SDK1: variants seen among roughly 807,000 people sequenced by gnomAD.
The protein encoded by SDK1 is protein sidekick-1.
Under a neutral mutation model 245.5 loss-of-function variants are expected in SDK1, and 157 were observed. That is an observed-to-expected ratio of 0.64 (90% CI 0.56 to 0.73). The LOEUF is 0.73. Among genes scored for constraint, SDK1 ranks in the 30% least tolerant of loss-of-function variants. The pLI is 0.00. For synonymous variants in SDK1, 1,647 were observed against 1,278.5 expected (o/e 1.29, Z -6.15); for missense variants, 3,583 against 3,002.3 (o/e 1.19, Z -4.52).
intron 40 of SDK1, among the ~76,000 whole-genome samples, chr7:4,231,306 A>G (rs1032712416): frequency 2.0e-5 from 3 of 152,084 alleles, no homozygotes; most frequent in African/African-American, 7.2e-5. Flanking sequence ...GCTCATGCCT[A>G]TAATTCCAGC....
intron 4 of SDK1, among the ~76,000 whole-genome samples, chr7:3,683,651 C>T (rs566010671): frequency 6.6e-6 from 1 of 152,184 alleles, no homozygotes; most frequent in Non-Finnish European, 1.5e-5. Flanking sequence ...ACATGGCAAG[C>T]GTGGAAGACT....
At chr7:4,064,333 C>G (rs556651455) in intron 19 of SDK1, among the ~76,000 whole-genome samples, 1 of 152,256 alleles carries the variant, frequency 6.6e-6, no homozygotes, top group African/African-American at 2.4e-5. Flanking sequence ...CCCAGTATCA[C>G]TAATCATCAA....
intron 4 of SDK1, among the ~76,000 whole-genome samples, chr7:3,798,648 C>T (rs1465701438): frequency 6.6e-6 from 1 of 152,152 alleles, no homozygotes; most frequent in African/African-American, 2.4e-5. Flanking sequence ...TGACTTGTCA[C>T]TGGCAGCGAC....
chr7:3,391,665 C>A (rs2128570346), intron 1 of SDK1, among the ~76,000 whole-genome samples: 1 of 131,084 alleles, frequency 7.6e-6, no homozygotes, highest in East Asian at 2.2e-4. Context: ...GAGACAGGGT[C>A]TTGCTCTGTC....
intron 22 of SDK1, among the ~76,000 whole-genome samples, chr7:4,092,542 C>G (rs567396844): frequency 6.6e-6 from 1 of 152,324 alleles, no homozygotes; most frequent in South Asian, 2.1e-4. Context: ...CCCAGGCCTT[C>G]TCTGCTGTAG....
At chr7:3,925,325 T>C (rs537999543) in intron 5 of SDK1, among the ~76,000 whole-genome samples, 20 of 152,314 alleles carry the variant, frequency 1.3e-4, no homozygotes, top group African/African-American at 4.1e-4. Flanking sequence ...GAGGAGAAGC[T>C]GCGTAGAAGC....
chr7:4,115,074 G>A (rs1485408605), intron 25 of SDK1, among the ~76,000 whole-genome samples: 3 of 152,206 alleles, frequency 2.0e-5, no homozygotes, highest in Non-Finnish European at 4.4e-5. Context: ...GTGGGTCATA[G>A]GAGCTTTTCT....
At chr7:3,601,816 A>T (rs1389467056) in intron 1 of SDK1, among the ~76,000 whole-genome samples, 1 of 140,192 alleles carries the variant, frequency 7.1e-6, no homozygotes, top group African/African-American at 2.7e-5. Context: ...TCCTAATGCT[A>T]TCCCTCCCCC....
chr7:3,676,543 T>C (rs1278703319), intron 4 of SDK1, among the ~76,000 whole-genome samples: 1 of 152,148 alleles, frequency 6.6e-6, no homozygotes, highest in Admixed American at 6.5e-5. Context: ...GCCGGGATGG[T>C]CTCAATCTCC....
intron 32 of SDK1, among the ~76,000 whole-genome samples, chr7:4,172,911 C>G (rs10230757): frequency 0.13 from 20,170 of 152,248 alleles, 2,581 homozygotes; most frequent in African/African-American, 0.33. Context: ...CTCCCCTAAT[C>G]CAGTATGACC....
intron 1 of SDK1, among the ~76,000 whole-genome samples, chr7:3,451,636 A>T (rs1398812575): frequency 6.6e-6 from 1 of 152,190 alleles, no homozygotes; most frequent in Non-Finnish European, 1.5e-5. Flanking sequence ...TACATGTAAC[A>T]TAGGACTGAG....
chr7:3,696,592 G>A (rs1167021593), intron 4 of SDK1, among the ~76,000 whole-genome samples: 1 of 151,848 alleles, frequency 6.6e-6, no homozygotes, highest in Non-Finnish European at 1.5e-5. Context: ...GTGTGTGTGT[G>A]TGTGTGTGTT....
intron 5 of SDK1, among the ~76,000 whole-genome samples, chr7:3,906,920 G>A (rs1583543899): frequency 2.0e-5 from 3 of 152,048 alleles, no homozygotes; most frequent in South Asian, 2.1e-4. Flanking sequence ...ATGAGCCACC[G>A]TACCCTGCCT....
At chr7:3,398,448 A>T (rs187484165) in intron 1 of SDK1, among the ~76,000 whole-genome samples, 2 of 151,648 alleles carry the variant, frequency 1.3e-5, no homozygotes, top group African/African-American at 4.8e-5. Flanking sequence ...TGAGACAGGG[A>T]TGCTAGAGGG....
rs149071485 is a variant in SDK1, at chr7:3,743,979, C to G, written c.714-77471C>G. 3.3e-3 allele frequency among the ~76,000 whole-genome samples: 497 copies of G among 152,264 alleles called. 3 individuals carry two copies. The highest frequency in any genetic ancestry group is 7.1e-3 in the Admixed American group (108 of 15,296). On this transcript the variant is annotated intron_variant, in intron 4 of 44. Transcript: ENST00000404826. ...ATTATCCTGTGTAATTAATAAGACA[C>G]TATTAATCAACAGCTTGACTCACAG...
chr7:4,169,637 A>G (rs1220657627), intron 32 of SDK1, among the ~76,000 whole-genome samples: 6 of 152,180 alleles, frequency 3.9e-5, no homozygotes. Context: ...AGATGCAATG[A>G]GACGGCAAGG....
At chr7:3,832,713 G>C (rs911839096) in intron 5 of SDK1, among the ~76,000 whole-genome samples, 3 of 152,170 alleles carry the variant, frequency 2.0e-5, no homozygotes, top group Non-Finnish European at 4.4e-5. Flanking sequence ...GATTCTTTCT[G>C]TGTGTTCTAA....
At chr7:3,631,199 G>A (rs1448785904) in intron 2 of SDK1, among the ~76,000 whole-genome samples, 1 of 152,168 alleles carries the variant, frequency 6.6e-6, no homozygotes, top group Non-Finnish European at 1.5e-5. Flanking sequence ...CTCCCAAAGT[G>A]CTGGGATTAC....
rs151292789 is a variant in SDK1 at position 3,566,780 on chromosome 7, A to T, written c.299-52300A>T. Reference sequence around the variant, plus strand: ...AGAAAAATAAGAGATATGACCACACACTTCACAAAACAGTGAACGCAAAAG... The same window carrying T: ...AGAAAAATAAGAGATATGACCACACTCTTCACAAAACAGTGAACGCAAAAG... On this transcript the variant is annotated intron_variant, in intron 1 of 44. Transcript: ENST00000404826. Among the ~76,000 whole-genome samples, 1,182 of 152,124 alleles carry T rather than the reference A, an allele frequency of 7.8e-3. 20 individuals are homozygous for T. Among genetic ancestry groups the T allele is most frequent in the African/African-American group, 0.027 (1,124 of 41,484 alleles).
Sources: gnomAD v4.1 joint callset for allele counts (sites outside exome capture counted in the v4.1 genomes callset) on GRCh38, gnomAD v4.1.1 for gene constraint, MANE v1.5 for transcripts, NCBI Gene and HGNC (gene_info 2026-07-23, HGNC 2026-07-21) for gene names.